Variants in NTM observed in about 807,000 individuals in gnomAD.
The protein encoded by NTM is IgLON family member 2.
A neutral mutation model predicts 42.1 loss-of-function variants in NTM; 13 were observed. That is an observed-to-expected ratio of 0.31 (90% CI 0.20 to 0.49). NTM has a LOEUF of 0.49. Ranked by LOEUF, NTM falls within the 20% of genes least tolerant of loss-of-function variation. NTM has a pLI of 0.99. For synonymous variants in NTM, 187 were observed against 179.2 expected, an observed-to-expected ratio of 1.04 and a Z score of -0.35; for missense variants, 373 against 452.8, an observed-to-expected ratio of 0.82 and a Z score of 1.60.
At chr11:132,318,985 C>T (rs2095498658) in intron 7 of NTM, among the ~76,000 whole-genome samples, 2 of 152,152 alleles carry the variant, frequency 1.3e-5, no homozygotes, top group Non-Finnish European at 2.9e-5. Context: ...AGCGATGAGC[C>T]ACAAGCAAGA....
intron 2 of NTM, among the ~76,000 whole-genome samples, chr11:132,124,626 C>T (rs1302339692): frequency 1.3e-5 from 2 of 152,118 alleles, no homozygotes; most frequent in African/African-American, 2.4e-5. Context: ...TGTGTGTGCG[C>T]GCGCACGCGC....
rs147501939 is a variant in NTM, at chr11:131,809,496, AC to A, written c.83-102066del. 7.3e-3 allele frequency among the ~76,000 whole-genome samples: 1,113 copies of A among 152,304 alleles called. 13 individuals are homozygous for A. Among genetic ancestry groups the A allele is most frequent in the African/African-American group, 0.025 (1,059 of 41,574 alleles). ...GAGGCCACCCGTATAAGACTAGGGT[AC>A]CAGGGAGCATGGGAGAGAATGACAG... On this transcript the variant is annotated intron_variant, in intron 1 of 8. Transcript: ENST00000683400.
At chr11:131,950,051 A>G (rs1391505406) in intron 2 of NTM, among the ~76,000 whole-genome samples, 1 of 152,070 alleles carries the variant, frequency 6.6e-6, no homozygotes, top group African/African-American at 2.4e-5. Flanking sequence ...TTCAGTGAAT[A>G]TTTCTTGAAC....
intron 4 of NTM, among the ~76,000 whole-genome samples, chr11:132,230,697 A>G (rs1020270335): frequency 1.3e-5 from 2 of 152,218 alleles, no homozygotes; most frequent in Non-Finnish European, 2.9e-5. Flanking sequence ...ATATGAGGTA[A>G]CTCATGTAAA....
intron 1 of NTM, among the ~76,000 whole-genome samples, chr11:131,847,721 A>G (rs1356958563): frequency 2.6e-5 from 3 of 115,484 alleles, no homozygotes. Flanking sequence ...GGGAAATACC[A>G]AAAAAAAATA....
chr11:131,925,867 T>G (rs2057881311), intron 2 of NTM, among the ~76,000 whole-genome samples: 1 of 152,202 alleles, frequency 6.6e-6, no homozygotes, highest in South Asian at 2.1e-4. Flanking sequence ...CGATTCCACC[T>G]TTTGTAATTC....
intron 1 of NTM, among the ~76,000 whole-genome samples, chr11:131,711,925 T>C (rs1229731519): frequency 1.6e-3 from 206 of 129,716 alleles, no homozygotes; most frequent in African/African-American, 5.8e-3. Context: ...AGGTGGGAAT[T>C]GAACAATGAG....
chr11:131,392,040 G>A (rs553473242), intron 1 of NTM, among the ~76,000 whole-genome samples: 7 of 152,328 alleles, frequency 4.6e-5, no homozygotes, highest in African/African-American at 1.7e-4. Context: ...ATTTGTCAGC[G>A]ATAATTAGAT....
chr11:132,334,144 C>T (rs2095847657), intron 8 of NTM, among the ~76,000 whole-genome samples: 1 of 152,222 alleles, frequency 6.6e-6, no homozygotes, highest in South Asian at 2.1e-4. Context: ...ATGTACTCTA[C>T]AGAAATCAAA....
chr11:132,219,712 G>T lies in NTM; in HGVS notation c.526+7565G>T, dbSNP rs561350970. 1.4e-4 allele frequency among the ~76,000 whole-genome samples: 21 copies of T among 151,994 alleles called. No individual in the cohort carries two copies. In the South Asian group the frequency reaches 4.4e-3, roughly 32 times the overall value. On this transcript the variant is annotated intron_variant, in intron 4 of 8. Transcript: ENST00000683400. ...AGAGATAATAATACCTTCCCACATG[G>T]ATATGACAAGGATTAAACACGTGCA...
At chr11:132,238,954 C>G (rs1294799500) in intron 4 of NTM, among the ~76,000 whole-genome samples, 2 of 152,116 alleles carry the variant, frequency 1.3e-5, no homozygotes, top group African/African-American at 2.4e-5. Flanking sequence ...TCCATGCAGT[C>G]TAATAAAACA....
chr11:132,058,846 C>T (rs540466236), intron 2 of NTM, among the ~76,000 whole-genome samples: 9 of 152,200 alleles, frequency 5.9e-5, no homozygotes, highest in African/African-American at 9.6e-5. Flanking sequence ...GCATTTCAAA[C>T]GTAGGAAGCA....
chr11:131,427,994 T>C (rs10750481), intron 1 of NTM, among the ~76,000 whole-genome samples: 73,590 of 152,024 alleles, frequency 0.48, 18,308 homozygotes, highest in Middle Eastern at 0.53. Context: ...CTTTATTACA[T>C]GACTTCTACT....
intron 4 of NTM, among the ~76,000 whole-genome samples, chr11:132,222,271 C>T (rs1217095688): frequency 1.3e-5 from 2 of 152,160 alleles, no homozygotes; most frequent in African/African-American, 4.8e-5. Context: ...CCTGGATGGC[C>T]GTGGCGCACA....
intron 2 of NTM, among the ~76,000 whole-genome samples, chr11:131,935,841 G>A (rs187463466): frequency 1.5e-3 from 221 of 152,276 alleles, no homozygotes; most frequent in Admixed American, 5.0e-3. Context: ...ACAAGAACAG[G>A]CAGAGGAAGA....
chr11:131,651,272 A>C (rs1257428332), intron 1 of NTM, among the ~76,000 whole-genome samples: 1 of 152,258 alleles, frequency 6.6e-6, no homozygotes, highest in Non-Finnish European at 1.5e-5. Flanking sequence ...TTCATTTAAC[A>C]CACAGTAAGC....
intron 2 of NTM, among the ~76,000 whole-genome samples, chr11:132,064,125 G>A (rs1156541831): frequency 6.6e-6 from 1 of 152,184 alleles, no homozygotes; most frequent in Non-Finnish European, 1.5e-5. Flanking sequence ...GAGAGAGAAA[G>A]AAAGGAGGAG....
chr11:132,309,942 A>G, intron 5 of NTM, 170 bp from the exon 6 acceptor site: 1 of 402,974 alleles, frequency 2.5e-6, no homozygotes, highest in Non-Finnish European at 3.4e-6. Context: ...TGTAATCCCA[A>G]TTACTTGGGA....
intron 2 of NTM, among the ~76,000 whole-genome samples, chr11:132,097,935 T>C (rs1281285137): frequency 1.3e-5 from 2 of 152,254 alleles, no homozygotes; most frequent in Non-Finnish European, 2.9e-5. Context: ...GAGGCAAACT[T>C]TACCCTTGGG....
Sources: allele counts gnomAD v4.1 joint callset (sites outside exome capture counted in the v4.1 genomes callset), GRCh38; gene constraint gnomAD v4.1.1; transcripts MANE v1.5; gene names NCBI Gene and HGNC (gene_info 2026-07-23, HGNC 2026-07-21).